ADAM18: variants seen among roughly 807,000 people sequenced by gnomAD.
ADAM18 encodes the protein disintegrin and metalloproteinase domain-containing protein 18.
Under a neutral mutation model 94.4 loss-of-function variants are expected in ADAM18, and 117 were observed. That is an observed-to-expected ratio of 1.24 (90% CI 1.07 to 1.45). The LOEUF is 1.45. Among genes scored for constraint, ADAM18 ranks in the 40% most tolerant of loss-of-function variants. The pLI is 0.00. For missense variants in ADAM18, 936 were observed against 880.0 expected, an observed-to-expected ratio of 1.06 and a Z score of -0.81; for synonymous variants, 327 against 291.6, an observed-to-expected ratio of 1.12 and a Z score of -1.24.
chr8:39,721,553 A>C (rs1314174447), intron 18 of ADAM18, among the ~76,000 whole-genome samples: 1 of 151,616 alleles, frequency 6.6e-6, no homozygotes. Context: ...AAGGAACTAA[A>C]ACTCCAAAAG....
In ADAM18 at chr8:39,606,339, T is replaced by A; in HGVS notation, c.165T>A (p.Pro55=). Residue 55 remains proline (P), a synonymous_variant, in exon 3 of 20, where the codon CCT becomes CCA. Transcript: ENST00000265707. The part of the protein sequence containing the change: ...MIYIITIDGQ[P]YTLHLGKQSF... Reference sequence around the variant, plus strand: ...ACATCATTACAATTGATGGACAACCTTACACTCTACATCTCGGAAAACAGT... The same window carrying A: ...ACATCATTACAATTGATGGACAACCATACACTCTACATCTCGGAAAACAGT... 1 of 1,563,570 alleles carries A rather than the reference T, an allele frequency of 6.4e-7. No homozygotes were observed. Among genetic ancestry groups the A allele is most frequent in the South Asian group, 1.2e-5 (1 of 84,290 alleles).
intron 6 of ADAM18, among the ~76,000 whole-genome samples, chr8:39,612,095 A>G (rs1400064501): frequency 1.3e-5 from 2 of 152,154 alleles, no homozygotes; most frequent in Admixed American, 1.3e-4. Flanking sequence ...AATGAATTAT[A>G]CTATCCAGCT....
intron 16 of ADAM18, among the ~76,000 whole-genome samples, chr8:39,681,527 T>G (rs2129580583): frequency 6.6e-6 from 1 of 152,348 alleles, no homozygotes; most frequent in African/African-American, 2.4e-5. Flanking sequence ...GATGATAATT[T>G]GTTATGCAGC....
At chr8:39,607,742 A>AG (rs1554503330) in intron 3 of ADAM18, among the ~76,000 whole-genome samples, 1 of 130,416 alleles carries the variant, frequency 7.7e-6, no homozygotes, top group Non-Finnish European at 1.7e-5. Flanking sequence ...TCCTTTCTCT[A>AG]TTTTTTTTTT....
At chr8:39,591,060 A>AC (rs1818557474) in intron 2 of ADAM18, among the ~76,000 whole-genome samples, 3 of 152,222 alleles carry the variant, frequency 2.0e-5, no homozygotes, top group Non-Finnish European at 4.4e-5. Context: ...GCTATGGCTA[A>AC]AAATAACATT....
Position 39,645,339 on chromosome 8 carries a change from A to G in ADAM18, c.911A>G (p.Tyr304Cys). ...NKSYDAGIAM[Y>C]PDAIGLEGFS... is the part of the protein sequence containing the mutation. Reference sequence around the variant, plus strand: ...TCTTTTTCATGTCTTTTATTTTAGTATCCAGATGCAATAGGTTTGGAGGGA... The same window carrying G: ...TCTTTTTCATGTCTTTTATTTTAGTGTCCAGATGCAATAGGTTTGGAGGGA... Residue 304 changes from tyrosine to cysteine, a missense_variant and splice_region_variant, in exon 11 of 20, where the codon TAT becomes TGT. Tyr to Cys is a radical substitution (Grantham distance 194). Transcript: ENST00000265707. 1.9e-6 allele frequency: 3 copies of G among 1,605,182 alleles called. No individual in the cohort carries two copies. The highest frequency in any genetic ancestry group is 2.5e-6 in the Non-Finnish European group (3 of 1,176,612).
At chr8:39,603,852 CTGTT>C (rs146310800) in intron 2 of ADAM18, among the ~76,000 whole-genome samples, 1,808 of 152,242 alleles carry the variant, frequency 0.012, 74 homozygotes, top group Admixed American at 0.07. Context: ...AATAGCTTCT[CTGTT>C]TCTTATTTAT....
intron 12 of ADAM18, among the ~76,000 whole-genome samples, chr8:39,648,790 A>C (rs1820452709): frequency 2.6e-5 from 4 of 152,090 alleles, no homozygotes; most frequent in Admixed American, 2.6e-4. Flanking sequence ...TGGCTAAATG[A>C]AGTCCTTTTT....
chr8:39,610,440 TA>T, intron 5 of ADAM18, 88 bp from the exon 6 acceptor site: 1 of 1,391,442 alleles, frequency 7.2e-7, no homozygotes, highest in African/African-American at 1.5e-5. Flanking sequence ...TATAGTTTTT[TA>T]ATTTCTTATG....
At chr8:39,602,834 T>G (rs541077960) in intron 2 of ADAM18, among the ~76,000 whole-genome samples, 1 of 152,304 alleles carries the variant, frequency 6.6e-6, no homozygotes, top group South Asian at 2.1e-4. Flanking sequence ...TTTTCTCCTG[T>G]ATGGATTATG....
chr8:39,629,570 A>G, intron 7 of ADAM18, 131 bp downstream of exon 7: 1 of 566,176 alleles, frequency 1.8e-6, no homozygotes, highest in Non-Finnish European at 3.0e-6. Flanking sequence ...TTGTCTCCTT[A>G]TTTTCTCCCT....
At chr8:39,729,570 G>A (rs768216957) in intron 19 of ADAM18, among the ~76,000 whole-genome samples, 1 of 151,950 alleles carries the variant, frequency 6.6e-6, no homozygotes, top group African/African-American at 2.4e-5. Context: ...GATTTTGATT[G>A]TTTTTACATA....
intron 17 of ADAM18, among the ~76,000 whole-genome samples, chr8:39,699,766 G>A (rs1399547007): frequency 6.6e-6 from 1 of 152,128 alleles, no homozygotes; most frequent in Non-Finnish European, 1.5e-5. Context: ...TCAATGAGAA[G>A]GATCTTCAAG....
At chr8:39,682,786 A>G (rs1821503751) in intron 16 of ADAM18, among the ~76,000 whole-genome samples, 1 of 152,168 alleles carries the variant, frequency 6.6e-6, no homozygotes, top group Admixed American at 6.5e-5. Flanking sequence ...ATACCCATGA[A>G]CCTAATCCAC....
intron 18 of ADAM18, among the ~76,000 whole-genome samples, chr8:39,711,383 A>T (rs1323125015): frequency 6.6e-6 from 1 of 152,206 alleles, no homozygotes. Flanking sequence ...AAAGGAAAGC[A>T]TGACCTATTC....
intron 19 of ADAM18, among the ~76,000 whole-genome samples, chr8:39,726,590 G>A (rs915554395): frequency 6.6e-6 from 1 of 152,062 alleles, no homozygotes. Context: ...TCTATCGCAT[G>A]TGCTTTTGGT....
intron 12 of ADAM18, among the ~76,000 whole-genome samples, chr8:39,655,667 T>C (rs1820664128): frequency 6.6e-6 from 1 of 151,950 alleles, no homozygotes; most frequent in Non-Finnish European, 1.5e-5. Flanking sequence ...AAAAAGAAAA[T>C]GCATAATAGT....
At chr8:39,648,574 T>G in intron 12 of ADAM18, 47 bp downstream of exon 12, 1 of 1,509,322 alleles carries the variant, frequency 6.6e-7, no homozygotes, top group East Asian at 2.3e-5. Flanking sequence ...ATGTTTCTGA[T>G]AAAACATAAG....
intron 16 of ADAM18, among the ~76,000 whole-genome samples, chr8:39,681,423 T>A (rs1821455189): frequency 6.6e-6 from 1 of 152,200 alleles, no homozygotes; most frequent in Admixed American, 6.5e-5. Flanking sequence ...GTAAGAAGAC[T>A]GTGAAGCAGA....
Sources: allele counts gnomAD v4.1 joint callset (sites outside exome capture counted in the v4.1 genomes callset), GRCh38; gene constraint gnomAD v4.1.1; transcripts MANE v1.5; gene names NCBI Gene and HGNC (gene_info 2026-07-23, HGNC 2026-07-21).